DAB1: variants seen among roughly 807,000 people sequenced by gnomAD.
DAB1 encodes the protein disabled homolog 1.
DAB1 carries 15 observed loss-of-function variants against 64.6 expected under a neutral mutation model. The observed-to-expected ratio is 0.23, with a 90% CI of 0.16 to 0.36. The LOEUF is 0.36. Among genes scored for constraint, DAB1 ranks in the 10% least tolerant of loss-of-function variants. The probability of loss-of-function intolerance (pLI) is 1.00; values close to 1 mark genes in which losing one functional copy is unlikely to be tolerated. For missense variants in DAB1, 596 were observed against 706.7 expected, an observed-to-expected ratio of 0.84 and a Z score of 1.78; for synonymous variants, 235 against 251.9, an observed-to-expected ratio of 0.93 and a Z score of 0.64.
At chr1:57,240,847 C>T (rs999597084) in intron 2 of DAB1, among the ~76,000 whole-genome samples, 3 of 152,154 alleles carry the variant, frequency 2.0e-5, no homozygotes, top group Non-Finnish European at 2.9e-5. Context: ...ACTATCAATG[C>T]TTGGTTAATT....
intron 1 of DAB1, among the ~76,000 whole-genome samples, chr1:57,873,534 A>G (rs1181034152): frequency 6.6e-6 from 1 of 152,196 alleles, no homozygotes; most frequent in Non-Finnish European, 1.5e-5. Flanking sequence ...TTAATCTTGA[A>G]ATTGTAGATG....
intron 7 of DAB1, among the ~76,000 whole-genome samples, chr1:57,636,818 G>A (rs1646062592): frequency 6.6e-6 from 1 of 152,164 alleles, no homozygotes; most frequent in African/African-American, 2.4e-5. Flanking sequence ...TGAGTTGCCA[G>A]CAGACATCCA....
chr1:58,232,509 A>G (rs1057018325), intron 4 of DAB1, among the ~76,000 whole-genome samples: 4 of 147,090 alleles, frequency 2.7e-5, no homozygotes, highest in African/African-American at 1.1e-4. Context: ...ACACACACAC[A>G]CACACACACA....
chr1:57,521,995 A>G (rs973640069), intron 7 of DAB1, among the ~76,000 whole-genome samples: 12 of 152,128 alleles, frequency 7.9e-5, no homozygotes, highest in Non-Finnish European at 1.8e-4. Context: ...CTATAATCCC[A>G]GCTACTTGGG....
At chr1:57,182,478 T>C (rs534697084) in intron 2 of DAB1, among the ~76,000 whole-genome samples, 100 of 152,310 alleles carry the variant, frequency 6.6e-4, no homozygotes, top group Non-Finnish European at 1.2e-3. Flanking sequence ...GCACTCTACA[T>C]TGTATCACAA....
rs557855390 is a variant in DAB1 at position 57,587,349 on chromosome 1, G to A, written n.625+62243C>T. ...ATTTGAAAGGCAAATAACACCTAGA[G>A]GGTTTTCAAAGCTCTTTCCCAACCA... On this transcript the variant is annotated intron_variant and non_coding_transcript_variant, in intron 7 of 20. Transcript: ENST00000485760. Among the ~76,000 whole-genome samples the A allele has an allele frequency of 2.0e-5, 3 of 152,182 alleles. No homozygotes were observed. In the South Asian group the frequency reaches 6.2e-4, roughly 32 times the overall value.
chr1:57,274,612 G>T (rs1037291204), intron 2 of DAB1, among the ~76,000 whole-genome samples: 6 of 152,106 alleles, frequency 3.9e-5, no homozygotes, highest in Admixed American at 2.6e-4. Context: ...ATGGAGTCTT[G>T]CTCTGTTGCC....
At chr1:58,436,257 G>A (rs1644943231) in intron 3 of DAB1, among the ~76,000 whole-genome samples, 1 of 152,104 alleles carries the variant, frequency 6.6e-6, no homozygotes, top group African/African-American at 2.4e-5. Flanking sequence ...AATTTTTTAA[G>A]CATTATCTAA....
At chr1:58,259,353 TC>T (rs200334228) in intron 4 of DAB1, among the ~76,000 whole-genome samples, 5,131 of 149,124 alleles carry the variant, frequency 0.034, 121 homozygotes, top group Non-Finnish European at 0.055. Context: ...ACTTCTGCCT[TC>T]CTTCCCTATG....
chr1:57,797,172 T>C (rs1370663922), intron 6 of DAB1, among the ~76,000 whole-genome samples: 1 of 152,236 alleles, frequency 6.6e-6, no homozygotes, highest in Non-Finnish European at 1.5e-5. Flanking sequence ...TGCCACCTTG[T>C]TGCTCTTTTT....
intron 7 of DAB1, among the ~76,000 whole-genome samples, chr1:57,631,795 C>T (rs1316495299): frequency 6.6e-6 from 1 of 152,176 alleles, no homozygotes; most frequent in African/African-American, 2.4e-5. Flanking sequence ...TGACATTCAG[C>T]AGGGAAATGT....
At chr1:57,565,494 T>A (rs903567551) in intron 7 of DAB1, among the ~76,000 whole-genome samples, 3 of 151,728 alleles carry the variant, frequency 2.0e-5, no homozygotes, top group African/African-American at 7.3e-5. Context: ...GGATAAAGAG[T>A]CAAGACCCAT....
At chr1:57,484,710 A>C (rs911654322) in intron 7 of DAB1, among the ~76,000 whole-genome samples, 8 of 152,080 alleles carry the variant, frequency 5.3e-5, no homozygotes, top group African/African-American at 1.9e-4. Flanking sequence ...ATGGCATTTA[A>C]ATTCATGAAG....
intron 6 of DAB1, among the ~76,000 whole-genome samples, chr1:57,750,577 A>G (rs1648505835): frequency 6.6e-6 from 1 of 152,214 alleles, no homozygotes; most frequent in African/African-American, 2.4e-5. Flanking sequence ...CCTAGATTGC[A>G]TATTTAATAA....
intron 3 of DAB1, among the ~76,000 whole-genome samples, chr1:57,142,091 T>A (rs991189174): frequency 3.3e-5 from 5 of 152,264 alleles, no homozygotes; most frequent in Admixed American, 6.5e-5. Context: ...TAAATTAAAA[T>A]ATGATGTCAA....
At chr1:57,785,850 G>A (rs1200627631) in intron 6 of DAB1, among the ~76,000 whole-genome samples, 3 of 152,292 alleles carry the variant, frequency 2.0e-5, no homozygotes, top group East Asian at 1.9e-4. Context: ...CAGGGTTTGA[G>A]AGGATCTCTC....
At chr1:57,076,862 A>G (rs1327231869) in intron 4 of DAB1, among the ~76,000 whole-genome samples, 3 of 152,176 alleles carry the variant, frequency 2.0e-5, no homozygotes, top group African/African-American at 7.2e-5. Flanking sequence ...TTATCCATTC[A>G]TCCAGTTACT....
At chr1:57,988,891 G>T (rs948807659) in intron 5 of DAB1, among the ~76,000 whole-genome samples, 1 of 152,152 alleles carries the variant, frequency 6.6e-6, no homozygotes, top group African/African-American at 2.4e-5. Context: ...AAGAGGCAAA[G>T]CATACCTAGA....
chr1:57,683,653 A>G (rs1646662593), intron 6 of DAB1, among the ~76,000 whole-genome samples: 1 of 152,198 alleles, frequency 6.6e-6, no homozygotes, highest in Admixed American at 6.5e-5. Flanking sequence ...TGCCACAGTG[A>G]AAGGAACACC....
Sources: allele counts gnomAD v4.1 joint callset (sites outside exome capture counted in the v4.1 genomes callset), GRCh38; gene constraint gnomAD v4.1.1; transcripts MANE v1.5; gene names NCBI Gene and HGNC (gene_info 2026-07-23, HGNC 2026-07-21).